FAN1: variants seen among roughly 807,000 people sequenced by gnomAD.
The protein encoded by FAN1 is fanconi-associated nuclease 1.
Under a neutral mutation model 104.9 loss-of-function variants are expected in FAN1, and 91 were observed. The observed-to-expected ratio is 0.87, with a 90% CI of 0.73 to 1.03. The LOEUF (loss-of-function observed/expected upper bound fraction) is 1.03, where lower values mean the gene tolerates loss of function less well. FAN1 is among the 50% of genes least tolerant of loss of function. The pLI is 0.00. For missense variants in FAN1, 1,263 were observed against 1,239.9 expected (o/e 1.02, Z -0.28); for synonymous variants, 478 against 457.6 (o/e 1.04, Z -0.57).
chr15:30,908,563 C>T (rs372063500), intron 3 of FAN1, among the ~76,000 whole-genome samples: 3 of 152,184 alleles, frequency 2.0e-5, no homozygotes, highest in South Asian at 4.1e-4. Context: ...AAATACATCC[C>T]GGCCGGGCAC....
Position 30,930,515 on chromosome 15 carries a change from G to A in FAN1, c.2788-28G>A, listed in dbSNP as rs376968538. On this transcript the variant is annotated intron_variant, in intron 12 of 14. Coordinates refer to ENST00000362065, the MANE Select transcript of FAN1 (RefSeq NM_014967.5). Reference sequence around the variant, plus strand: ...TTCCATTCTCTGTCACGAGGGAAGTGGCTAACTGTCCTGTGTTTTGTGTTC... The same window carrying A: ...TTCCATTCTCTGTCACGAGGGAAGTAGCTAACTGTCCTGTGTTTTGTGTTC... 1.8e-5 allele frequency: 28 copies of A among 1,568,292 alleles called. No homozygotes were observed. The African/African-American group carries it at 3.5e-4, about 19-fold the overall frequency.
chr15:30,941,539 T>C (rs951244319), intron 14 of FAN1, 27 bp from the exon 15 acceptor site: 1 of 1,609,014 alleles, frequency 6.2e-7, no homozygotes, highest in South Asian at 1.1e-5. Context: ...TGCTTAATGG[T>C]GTTCCTAAAA....
intron 3 of FAN1, among the ~76,000 whole-genome samples, chr15:30,908,872 T>G (rs1207141710): frequency 6.6e-6 from 1 of 152,092 alleles, no homozygotes; most frequent in Admixed American, 6.5e-5. Context: ...TTCTTGGCGC[T>G]CTCCTTCCAG....
In FAN1 at chr15:30,937,190, G is replaced by C. The variant is rs1355427264; in HGVS notation, c.2988G>C (p.Lys996Asn). Residue 996 changes from lysine to asparagine, a missense_variant, in exon 14 of 15, where the codon AAG (lysine) becomes AAC (asparagine). Physicochemically the swap from Lys to Asn is moderately conservative, Grantham distance 94. Coordinates refer to ENST00000362065, the MANE Select transcript of FAN1 (RefSeq NM_014967.5). Reference protein sequence around the residue: ...KQMIWLAELQKLGAEVEVCHV... With the variant: ...KQMIWLAELQNLGAEVEVCHV... The stretch of plus-strand genomic sequence containing the variant: ...TGATCTGGCTGGCTGAACTGCAGAA[G>C]CTGGGGGCTGAAGTAGAAGTCTGCC... The C allele has an allele frequency of 6.2e-7, 1 of 1,614,168 alleles. No individual in the cohort carries two copies.
chr15:30,916,770 A>T (rs1566917698), intron 5 of FAN1, among the ~76,000 whole-genome samples: 1 of 152,240 alleles, frequency 6.6e-6, no homozygotes, highest in Admixed American at 6.5e-5. Flanking sequence ...AGAGGGCCTC[A>T]GCCATCATGG....
rs1430239622 is a variant in FAN1 at position 30,925,139 on chromosome 15, A to G, written c.2185A>G (p.Ile729Val). The G allele has an allele frequency of 1.1e-5, 18 of 1,613,806 alleles. No individual in the cohort carries two copies. Among genetic ancestry groups the G allele is most frequent in the Non-Finnish European group, 1.4e-5 (17 of 1,179,836 alleles). The change falls in exon 9 of 15, where the codon ATC (isoleucine) becomes GTC (valine). Residue 729 changes from isoleucine (I) to valine (V), a missense_variant. Transcript: ENST00000362065. ...TGCTCTCTGCCAGACTATCAAGTGC[A>G]TCACAGAGGGGCTGGCGGATCCGGA... ...LKRLEPTIKC[I>V]TEGLADPEVR...
chr15:30,922,472 A>G, intron 8 of FAN1, 118 bp downstream of exon 8: 3 of 1,077,308 alleles, frequency 2.8e-6, no homozygotes, highest in Non-Finnish European at 2.7e-6. Flanking sequence ...TCTTTTGTTA[A>G]CATTCTTCTT....
At chr15:30,927,252 T>C (rs1444138344) in intron 10 of FAN1, 1 of 985,360 alleles carries the variant, frequency 1.0e-6, no homozygotes, top group African/African-American at 1.7e-5. Context: ...CTGGCCTTTA[T>C]ATTCCTGCCT....
In FAN1 at chr15:30,905,631, C is replaced by G; in HGVS notation, c.968C>G (p.Ser323Cys). ...KIQLSDSEAK[S>C]HSSADDASAW... The stretch of plus-strand genomic sequence containing the variant: ...CAGCTGTCAGATTCAGAGGCAAAAT[C>G]TCATAGTTCTGCAGATGATGCTTCT... The change falls in exon 2 of 15, where the codon TCT becomes TGT. Residue 323 changes from serine (S) to cysteine (C), a missense_variant. Physicochemically the swap from Ser to Cys is moderately radical, Grantham distance 112 (BLOSUM62 -1). Coordinates refer to ENST00000362065, the MANE Select transcript of FAN1 (RefSeq NM_014967.5). 1 of 1,614,110 alleles carries G rather than the reference C, an allele frequency of 6.2e-7. No individual in the cohort carries two copies.
In FAN1 at chr15:30,915,345, CA is replaced by C. The variant is rs1352725310; in HGVS notation, c.1811+1255del. On this transcript the variant is annotated intron_variant, in intron 5 of 14. Transcript: ENST00000362065. ...AGGTTGGTTAACAGATACAAAAGTG[CA>C]GCTAGGTAGAAGGAATAAGTTCTGT... Among the ~76,000 whole-genome samples the C allele has an allele frequency of 3.3e-5, 5 of 152,244 alleles. No individual in the cohort carries two copies. In the South Asian group the frequency reaches 6.2e-4, roughly 19 times the overall value.
Sources: gnomAD v4.1 joint callset for allele counts (sites outside exome capture counted in the v4.1 genomes callset) on GRCh38, gnomAD v4.1.1 for gene constraint, MANE v1.5 for transcripts, NCBI Gene and HGNC (gene_info 2026-07-23, HGNC 2026-07-21) for gene names.